ANO5: variants seen among roughly 807,000 people sequenced by gnomAD.
ANO5 encodes the protein anoctamin-5.
ANO5 carries 109 observed loss-of-function variants against 121.0 expected under a neutral mutation model. The observed-to-expected ratio is 0.90, with a 90% CI of 0.77 to 1.06. The LOEUF is 1.06. Ranked by LOEUF, ANO5 falls within the 50% of genes least tolerant of loss-of-function variation. The pLI, the probability that ANO5 is intolerant of heterozygous loss-of-function variation, is 0.00. For missense variants in ANO5, 1,064 were observed against 1,078.5 expected (o/e 0.99, Z 0.19); for synonymous variants, 406 against 359.9 (o/e 1.13, Z -1.45).
At chr11:22,267,508 T>TTTTATATATATATATA (rs1554932860) in intron 17 of ANO5, among the ~76,000 whole-genome samples, 12 of 126,094 alleles carry the variant, frequency 9.5e-5, no homozygotes, top group African/African-American at 5.1e-4. Flanking sequence ...ATATCTACAA[T>TTTTATATATATATATA]TATATATATA....
chr11:22,249,808 T>G (rs895715749), intron 9 of ANO5, among the ~76,000 whole-genome samples: 1 of 152,132 alleles, frequency 6.6e-6, no homozygotes, highest in African/African-American at 2.4e-5. Context: ...TTTAGAGAGA[T>G]AAAGCAAAAG....
At chr11:22,200,782 C>A (rs560810596) in intron 1 of ANO5, among the ~76,000 whole-genome samples, 2 of 152,020 alleles carry the variant, frequency 1.3e-5, no homozygotes, top group African/African-American at 4.8e-5. Flanking sequence ...TTGACACATA[C>A]AAAAAGTAAA....
Position 22,262,192 on chromosome 11 carries a change from T to C in ANO5, c.1694T>C (p.Phe565Ser). 1 of 1,614,022 alleles carries C rather than the reference T, an allele frequency of 6.2e-7. No individual in the cohort carries two copies. Among genetic ancestry groups the C allele is most frequent in the Non-Finnish European group, 8.5e-7 (1 of 1,179,964 alleles). The change falls in exon 16 of 22, where the codon TTT (phenylalanine) becomes TCT (serine). Residue 565 changes from phenylalanine to serine, a missense_variant. By Grantham distance (155) the Phe-to-Ser change is radical (BLOSUM62 -2). Coordinates refer to ENST00000324559, the MANE Select transcript of ANO5 (RefSeq NM_213599.3). ...ACCTTGAAAATGTTCCTGTTTCAGT[T>C]TGTAAATTTTTACTCATCCTGCTTC... ...SLTLKMFLFQ[F>S]VNFYSSCFYV...
Position 22,262,303 on chromosome 11 carries a change from G to A in ANO5, c.1800+5G>A, listed in dbSNP as rs794727179. Reference sequence around the variant, plus strand: ...AATGAGTGGAGAAGTGAAGAGGTAAGAATTTCCTTGAGAGTTGAGGTGTGT... The same window carrying A: ...AATGAGTGGAGAAGTGAAGAGGTAAAAATTTCCTTGAGAGTTGAGGTGTGT... On this transcript the variant is annotated splice_donor_5th_base_variant and intron_variant, in intron 16 of 21. Coordinates refer to ENST00000324559, the MANE Select transcript of ANO5 (RefSeq NM_213599.3). 1.9e-6 allele frequency: 3 copies of A among 1,613,054 alleles called. No homozygotes were observed. The Admixed American group carries it at 5.0e-5, about 27-fold the overall frequency.
intron 1 of ANO5, among the ~76,000 whole-genome samples, chr11:22,194,318 T>A (rs538496785): frequency 2.2e-4 from 34 of 152,344 alleles, no homozygotes; most frequent in Admixed American, 9.1e-4. Context: ...TCTTGTTTAG[T>A]GTTGGATTTA....
chr11:22,199,514 C>T (rs1308433238), intron 1 of ANO5, among the ~76,000 whole-genome samples: 3 of 152,238 alleles, frequency 2.0e-5, no homozygotes, highest in Admixed American at 1.3e-4. Context: ...CTGTATTAGT[C>T]ACCCACCATT....
rs920197465 is a variant in ANO5 at position 22,193,205 on chromosome 11, G to A, written c.-288G>A. On this transcript the variant is annotated 5_prime_UTR_variant, in exon 1 of 22. In the 5' UTR this introduces an upstream ATG that the reference lacks. Transcript: ENST00000324559. ...CGCCCAGGAGCGCTACCGGCTGAGGGTGGGGAAGCGCAGGGCCAAGCGCGC... is the reference window on the plus strand; with the variant it reads ...CGCCCAGGAGCGCTACCGGCTGAGGATGGGGAAGCGCAGGGCCAAGCGCGC... 1.2e-5 allele frequency: 15 copies of A among 1,293,576 alleles called. No individual in the cohort carries two copies. Among genetic ancestry groups the A allele is most frequent in the African/African-American group, 1.5e-5 (1 of 66,000 alleles). 80.1% of individuals were successfully genotyped at this position (1,293,576 alleles called of 1,614,324 possible).
intron 10 of ANO5, 43 bp downstream of exon 10, chr11:22,250,414 C>T: frequency 6.2e-7 from 1 of 1,609,354 alleles, no homozygotes; most frequent in Non-Finnish European, 8.5e-7. Context: ...ACATCTTTAT[C>T]TTGTGCCAAA....
rs138257296 is a variant in ANO5, at chr11:22,237,626, G to A, written c.762+1350G>A. On this transcript the variant is annotated intron_variant, in intron 8 of 21. Coordinates refer to ENST00000324559, the MANE Select transcript of ANO5 (RefSeq NM_213599.3). ...GGCTGTAATTGAACTCCTGGCCAATGTTCAATATTTATTCAGTAGTATGAG... is the reference window on the plus strand; with the variant it reads ...GGCTGTAATTGAACTCCTGGCCAATATTCAATATTTATTCAGTAGTATGAG... 2.0e-4 allele frequency among the ~76,000 whole-genome samples: 31 copies of A among 152,130 alleles called. No individual in the cohort carries two copies. The East Asian group carries it at 6.0e-3, about 29-fold the overall frequency.
chr11:22,270,394 CT>C lies in ANO5; in HGVS notation c.1983del (p.Glu662LysfsTer13). On this transcript the variant is annotated frameshift_variant, in exon 18 of 22. Transcript: ENST00000324559. LOFTEE classifies it high-confidence loss of function. Reference protein sequence around the residue: ...LYSRWEQDHDLESFGPLGLFY... With the variant: ...LYSRWEQDHDXESFGPLGLFY... ...TAGTCGATGGGAGCAGGATCATGAC[CT>C]TGAAAGTTTTGGACCCCTTGGGCTT... is the stretch of plus-strand genomic sequence containing the variant. 6.2e-7 allele frequency: 1 copy of C among 1,614,132 alleles called. No individual in the cohort carries two copies. The highest frequency in any genetic ancestry group is 8.5e-7 in the Non-Finnish European group (1 of 1,180,008).
At chr11:22,206,542 G>A (rs913622385) in intron 2 of ANO5, among the ~76,000 whole-genome samples, 2 of 152,036 alleles carry the variant, frequency 1.3e-5, no homozygotes, top group Non-Finnish European at 2.9e-5. Flanking sequence ...TCGAACTCCT[G>A]ACCTCAAGTG....
chr11:22,217,819 G>A (rs1450541088), intron 3 of ANO5, among the ~76,000 whole-genome samples: 1 of 151,734 alleles, frequency 6.6e-6, no homozygotes, highest in Non-Finnish European at 1.5e-5. Flanking sequence ...GAAAAATAAC[G>A]ACTGGGTACT....
At position 22,236,028 on chromosome 11, in the gene ANO5, A is replaced by G. The variant is rs1853204249; in HGVS notation, c.649-135A>G. 4 of 678,308 alleles carry G rather than the reference A, an allele frequency of 5.9e-6. No homozygotes were observed. The African/African-American group carries it at 7.2e-5, about 12-fold the overall frequency. The allele number at this position is 678,308 out of a possible 1,614,324, so 42.0% of individuals were successfully genotyped here. ...TCCCTCACTCTACATCTTCCTGACA[A>G]CCAAGAGAAGCTTCTTTCTATAATT... is the stretch of plus-strand genomic sequence containing the variant. On this transcript the variant is annotated intron_variant, in intron 7 of 21. Coordinates refer to ENST00000324559, the MANE Select transcript of ANO5 (RefSeq NM_213599.3).
intron 5 of ANO5, among the ~76,000 whole-genome samples, chr11:22,222,051 T>A (rs1019849812): frequency 6.6e-6 from 1 of 151,872 alleles, no homozygotes; most frequent in Admixed American, 6.6e-5. Context: ...TCTTTGAGGT[T>A]TTTTGCTTTC....
intron 20 of ANO5, among the ~76,000 whole-genome samples, chr11:22,275,554 A>G (rs181158834): frequency 1.4e-4 from 22 of 152,040 alleles, no homozygotes; most frequent in African/African-American, 5.3e-4. Context: ...GACAGTATCC[A>G]GTGACTTTAT....
intron 17 of ANO5, 86 bp from the exon 18 acceptor site, chr11:22,270,226 G>A (rs991450807): frequency 6.6e-7 from 1 of 1,516,316 alleles, no homozygotes; most frequent in Non-Finnish European, 9.1e-7. Context: ...TCTAATTTCT[G>A]CCAGTTTCCA....
chr11:22,211,258 T>TG lies in ANO5; in HGVS notation c.88-5dup, dbSNP rs1852266658. 6.2e-7 allele frequency: 1 copy of TG among 1,611,834 alleles called. No homozygotes were observed. Among genetic ancestry groups the TG allele is most frequent in the South Asian group, 1.1e-5 (1 of 91,064 alleles). On this transcript the variant is annotated splice_region_variant and splice_polypyrimidine_tract_variant and intron_variant, in intron 2 of 21. Transcript: ENST00000324559. ...ATAGCATTATATCTTCCCCTGGTAC[T>TG]GTTAGCAGAGCCTGAGCAGCAGAGA...
At chr11:22,230,563 T>C (rs1473395888) in intron 7 of ANO5, among the ~76,000 whole-genome samples, 10 of 152,004 alleles carry the variant, frequency 6.6e-5, no homozygotes, top group Non-Finnish European at 1.2e-4. Context: ...TTTAAAAAAT[T>C]TCAGATTCAT....
At chr11:22,260,636 GA>G (rs535067496) in intron 15 of ANO5, among the ~76,000 whole-genome samples, 2 of 151,806 alleles carry the variant, frequency 1.3e-5, no homozygotes, top group East Asian at 1.9e-4. Flanking sequence ...TCCTCAATGG[GA>G]AAAAAAATCA....
Sources: allele counts gnomAD v4.1 joint callset (sites outside exome capture counted in the v4.1 genomes callset), GRCh38; gene constraint gnomAD v4.1.1; transcripts MANE v1.5; gene names NCBI Gene and HGNC (gene_info 2026-07-23, HGNC 2026-07-21).